KCNE5: variants seen among roughly 807,000 people sequenced by gnomAD.
KCNE5 encodes the protein potassium voltage-gated channel subfamily E regulatory subunit 5.
For missense variants in KCNE5, 131 were observed against 132.9 expected, an observed-to-expected ratio of 0.99 and a Z score of 0.07; for synonymous variants, 65 against 62.3, an observed-to-expected ratio of 1.04 and a Z score of -0.20.
In KCNE5 at chrX:109,623,989, TCC is replaced by T. The variant is rs1207536303; in HGVS notation, c.*601_*602del. 1.8e-5 allele frequency: 2 copies of T among 111,694 alleles called. No individual in the cohort carries two copies. Among genetic ancestry groups the T allele is most frequent in the Non-Finnish European group, 3.8e-5 (2 of 53,059 alleles). The allele number at this position is 111,694 out of a possible 1,213,427, so 9.2% of individuals were successfully genotyped here. On this transcript the variant is annotated 3_prime_UTR_variant, in exon 1 of 1. Transcript: ENST00000372101. ...CATTTCCCTCCCCGTTGAGCACTCC[TCC>T]CCCTTCCGTCCCCCATTAAGTTCAT...
At position 109,624,610 on chromosome X, in the gene KCNE5, C is replaced by T; in HGVS notation, c.411G>A (p.Gln137=). ...LASEGLPALA[Q]GAERV The stretch of plus-strand genomic sequence containing the variant: ...TGTGGTTTTAGACCCGCTCAGCGCC[C>T]TGGGCGAGGGCAGGCAGCCCCTCGG... Residue 137 remains glutamine (Q), a synonymous_variant, in exon 1 of 1, where the codon CAG becomes CAA. Transcript: ENST00000372101. The T allele has an allele frequency of 8.9e-7, 1 of 1,123,827 alleles. No individual in the cohort carries two copies. The allele number at this position is 1,123,827 out of a possible 1,213,427, so 92.6% of individuals were successfully genotyped here. A position where few individuals can be genotyped will look rare whatever the true frequency, so the allele number is the denominator to read the frequency against.
chrX:109,624,576 A>G lies in KCNE5; in HGVS notation c.*16T>C, dbSNP rs760918742. On this transcript the variant is annotated 3_prime_UTR_variant, in exon 1 of 1. Transcript: ENST00000372101. ...GAGATGAGGAGGGCGCGAACCAGCA[A>G]TCTGGGGCTGTGGTTTTAGACCCGC... 3 of 1,093,258 alleles carry G rather than the reference A, an allele frequency of 2.7e-6. No homozygotes were observed. The highest frequency in any genetic ancestry group is 4.7e-5 in the South Asian group (2 of 42,703). The allele number at this position is 1,093,258 out of a possible 1,213,427, so 90.1% of individuals were successfully genotyped here.
In KCNE5 at chrX:109,624,820, C is replaced by T; in HGVS notation, c.201G>A (p.Met67Ile). The change falls in exon 1 of 1, where the codon ATG becomes ATA. Residue 67 changes from methionine (M) to isoleucine (I), a missense_variant. By Grantham distance (10) the Met-to-Ile change is conservative. Coordinates refer to ENST00000372101, the MANE Select transcript of KCNE5 (RefSeq NM_012282.4). Reference protein sequence around the residue: ...DDAYLYILLIMIFYACLAGGL... With the variant: ...DDAYLYILLIIIFYACLAGGL... The stretch of plus-strand genomic sequence containing the variant: ...CTCCGGCCAAGCAGGCGTAGAAGAT[C>T]ATGATGAGCAGGATGTAGAGATAGG... 1 of 1,212,277 alleles carries T rather than the reference C, an allele frequency of 8.2e-7. No individual in the cohort carries two copies.
In KCNE5 at chrX:109,624,694, C is replaced by G; in HGVS notation, c.327G>C (p.Leu109=). ...CCGCGGCAGCCTCGGCGTCGGCGGT[C>G]AGGGCGCCTCCCGGGGCCCATTCGT... ...AEHEWAPGGA[L]TADAEAAAGS... Residue 109 remains leucine (L), a synonymous_variant, in exon 1 of 1, where the codon CTG becomes CTC. Transcript: ENST00000372101. The G allele has an allele frequency of 1.7e-6, 2 of 1,190,243 alleles. No homozygotes were observed. Among genetic ancestry groups the G allele is most frequent in the Non-Finnish European group, 2.3e-6 (2 of 885,129 alleles).
At position 109,624,744 on chromosome X, in the gene KCNE5, C is replaced by A. The variant is rs61729624; in HGVS notation, c.277G>T (p.Glu93Ter). The change falls in exon 1 of 1, where the codon GAG (glutamate) becomes TAG (stop). Residue 93 changes from glutamate (E) to a stop codon, truncating the protein, a stop_gained. Transcript: ENST00000372101. LOFTEE classifies it low-confidence loss of function (END_TRUNC). ...TGCTCGGCGCAAGCCTGGGACGGCT[C>A]GTCCTTGGCCTCGACGAGCTTACGG... is the stretch of plus-strand genomic sequence containing the variant. ...RSRKLVEAKD[E>*]PSQACAEHEW... The A allele has an allele frequency of 3.4e-5, 41 of 1,209,494 alleles. No individual in the cohort carries two copies. In the East Asian group the frequency reaches 1.0e-3, roughly 30 times the overall value.
rs16985810 is a variant in KCNE5 at position 109,624,243 on chromosome X, G to T, written c.*349C>A. 0.045 allele frequency: 8,619 copies of T among 192,809 alleles called. 740 individuals carry two copies. The highest frequency in any genetic ancestry group is 0.24 in the African/African-American group (7,927 of 33,201). 15.9% of individuals were successfully genotyped at this position (192,809 alleles called of 1,213,427 possible). ...AGACGGCCCAGAGTTCTGATAGAAT[G>T]CATTGCTTCAGTTCAGTGCCAAGTG... is the stretch of plus-strand genomic sequence containing the variant. On this transcript the variant is annotated 3_prime_UTR_variant, in exon 1 of 1. Coordinates refer to ENST00000372101, the MANE Select transcript of KCNE5 (RefSeq NM_012282.4).
At position 109,624,405 on chromosome X, in the gene KCNE5, T is replaced by C. The variant is rs1934256406; in HGVS notation, c.*187A>G. On this transcript the variant is annotated 3_prime_UTR_variant, in exon 1 of 1. Coordinates refer to ENST00000372101, the MANE Select transcript of KCNE5 (RefSeq NM_012282.4). ...GGCGCAGGGGTGAAGAGGGAGAAAC[T>C]GGCCCGAATGGGTAAGGTGGTGCTT... 10 of 397,275 alleles carry C rather than the reference T, an allele frequency of 2.5e-5. No homozygotes were observed. Among genetic ancestry groups the C allele is most frequent in the Non-Finnish European group, 4.2e-5 (10 of 239,185 alleles). The allele number at this position is 397,275 out of a possible 1,213,427, so 32.7% of individuals were successfully genotyped here.
rs1296965487 is a variant in KCNE5, at chrX:109,625,007, T to C, written c.14A>G (p.Glu5Gly). The C allele has an allele frequency of 8.4e-7, 1 of 1,196,974 alleles. No individual in the cohort carries two copies. Among genetic ancestry groups the C allele is most frequent in the Non-Finnish European group, 1.1e-6 (1 of 888,092 alleles). The change falls in exon 1 of 1, where the codon GAG becomes GGG. Residue 5 changes from glutamate to glycine, a missense_variant. Coordinates refer to ENST00000372101, the MANE Select transcript of KCNE5 (RefSeq NM_012282.4). MNCS[E>G]SQRLRTLLSR... ...CAGAAGGGTTCGCAGCCGCTGGCTC[T>C]CGCTGCAGTTCATGGCTTTCGGGGA...
rs967203588 is a variant in KCNE5, at chrX:109,623,840, A to C, written c.*752T>G. 8.9e-6 allele frequency: 1 copy of C among 111,894 alleles called. No homozygotes were observed. The highest frequency in any genetic ancestry group is 3.3e-5 in the African/African-American group (1 of 30,698). The allele number at this position is 111,894 out of a possible 1,213,427, so 9.2% of individuals were successfully genotyped here. A position where few individuals can be genotyped will look rare whatever the true frequency, so the allele number is the denominator to read the frequency against. On this transcript the variant is annotated 3_prime_UTR_variant, in exon 1 of 1. Transcript: ENST00000372101. ...CAATAGAGGAGAGGCATTTGGAAGT[A>C]CTGGGGTGATACACCCAGTAATGGT...
rs369319019 is a variant in KCNE5 at position 109,624,732 on chromosome X, C to T, written c.289G>A (p.Ala97Thr). ...GGGGCCCATTCGTGCTCGGCGCAAG[C>T]CTGGGACGGCTCGTCCTTGGCCTCG... ...LVEAKDEPSQ[A>T]CAEHEWAPGG... Residue 97 changes from alanine to threonine, a missense_variant, in exon 1 of 1, where the codon GCT becomes ACT. Ala to Thr is a moderately conservative substitution (Grantham distance 58, BLOSUM62 0). Coordinates refer to ENST00000372101, the MANE Select transcript of KCNE5 (RefSeq NM_012282.4). 4.1e-6 allele frequency: 5 copies of T among 1,208,323 alleles called. No homozygotes were observed. The highest frequency in any genetic ancestry group is 5.6e-6 in the Non-Finnish European group (5 of 894,037).
Position 109,624,572 on chromosome X carries a change from A to G in KCNE5, c.*20T>C, listed in dbSNP as rs1934258525. On this transcript the variant is annotated 3_prime_UTR_variant, in exon 1 of 1. Coordinates refer to ENST00000372101, the MANE Select transcript of KCNE5 (RefSeq NM_012282.4). ...GAGCGAGATGAGGAGGGCGCGAACC[A>G]GCAATCTGGGGCTGTGGTTTTAGAC... is the stretch of plus-strand genomic sequence containing the variant. 1 of 1,090,403 alleles carries G rather than the reference A, an allele frequency of 9.2e-7. No homozygotes were observed. Among genetic ancestry groups the G allele is most frequent in the East Asian group, 3.5e-5 (1 of 28,816 alleles). The allele number at this position is 1,090,403 out of a possible 1,213,427, so 89.9% of individuals were successfully genotyped here. A position where few individuals can be genotyped will look rare whatever the true frequency, so the allele number is the denominator to read the frequency against.
rs1045464885 is a variant in KCNE5, at chrX:109,624,197, C to T, written c.*395G>A. 12 of 139,808 alleles carry T rather than the reference C, an allele frequency of 8.6e-5. No individual in the cohort carries two copies. Among genetic ancestry groups the T allele is most frequent in the Non-Finnish European group, 1.5e-4 (11 of 72,239 alleles). The allele number at this position is 139,808 out of a possible 1,213,427, so 11.5% of individuals were successfully genotyped here. ...CTGCAGAGTGAGCAGTCCCTGGCAG[C>T]CCCTGGAGCAGCTGCCAGTTAGACG... On this transcript the variant is annotated 3_prime_UTR_variant, in exon 1 of 1. Coordinates refer to ENST00000372101, the MANE Select transcript of KCNE5 (RefSeq NM_012282.4).
Position 109,624,762 on chromosome X carries a change from GC to G in KCNE5, c.258del (p.Lys86AsnfsTer24), listed in dbSNP as rs1466106026. On this transcript the variant is annotated frameshift_variant, in exon 1 of 1. Transcript: ENST00000372101. LOFTEE classifies it low-confidence loss of function (END_TRUNC). ...GLILAYTRSRKLVEAKDEPSQ... is the reference protein window; with the variant it reads ...GLILAYTRSRXLVEAKDEPSQ... ...GACGGCTCGTCCTTGGCCTCGACGA[GC>G]TTACGGGAGCGGGTGTAGGCCAGGA... 3 of 1,211,914 alleles carry G rather than the reference GC, an allele frequency of 2.5e-6. No individual in the cohort carries two copies. The highest frequency in any genetic ancestry group is 3.4e-6 in the Non-Finnish European group (3 of 895,352).
rs781120515 is a variant in KCNE5, at chrX:109,624,857, T to G, written c.164A>C (p.Lys55Thr). ...PFVGREVTSAKGDDAYLYILL... is the reference protein window; with the variant it reads ...PFVGREVTSATGDDAYLYILL... ...GATGTAGAGATAGGCGTCGTCGCCC[T>G]TGGCGCTGGTCACCTCGCGGCCCAC... Residue 55 changes from lysine to threonine, a missense_variant, in exon 1 of 1, where the codon AAG becomes ACG. Lys to Thr is a moderately conservative substitution (Grantham distance 78). Coordinates refer to ENST00000372101, the MANE Select transcript of KCNE5 (RefSeq NM_012282.4). 8.2e-7 allele frequency: 1 copy of G among 1,212,245 alleles called. No homozygotes were observed. The highest frequency in any genetic ancestry group is 1.8e-5 in the South Asian group (1 of 57,068).
chrX:109,625,155 G>A lies in KCNE5; in HGVS notation c.-135C>T, dbSNP rs41312937. 871 of 740,745 alleles carry A rather than the reference G, an allele frequency of 1.2e-3. 11 individuals are homozygous for A. In the Admixed American group the frequency reaches 0.02, roughly 17 times the overall value. The allele number at this position is 740,745 out of a possible 1,213,427, so 61.0% of individuals were successfully genotyped here. A position where few individuals can be genotyped will look rare whatever the true frequency, so the allele number is the denominator to read the frequency against. On this transcript the variant is annotated 5_prime_UTR_variant, in exon 1 of 1. Coordinates refer to ENST00000372101, the MANE Select transcript of KCNE5 (RefSeq NM_012282.4). ...AAACAGCGGTAGCACCCAGCTCTCC[G>A]GCGAGCGCGCAGTGGCTGGGGGCGC...
rs1934270476 is a variant in KCNE5, at chrX:109,624,975, G to A, written c.46C>T (p.Leu16=). ...SQRLRTLLSR[L]LLELHHRGNA... is the part of the protein sequence containing the mutation. ...CCCCGGTGGTGCAGCTCGAGCAACA[G>A]GCGGCTCAGAAGGGTTCGCAGCCGC... The change falls in exon 1 of 1, where the codon CTG becomes TTG. Residue 16 remains leucine, a synonymous_variant. Coordinates refer to ENST00000372101, the MANE Select transcript of KCNE5 (RefSeq NM_012282.4). 3 of 1,207,816 alleles carry A rather than the reference G, an allele frequency of 2.5e-6. No individual in the cohort carries two copies. The highest frequency in any genetic ancestry group is 3.4e-6 in the Non-Finnish European group (3 of 893,817).
Position 109,624,238 on chromosome X carries a change from A to C in KCNE5, c.*354T>G. The C allele has an allele frequency of 5.5e-6, 1 of 180,705 alleles. No individual in the cohort carries two copies. 14.9% of individuals were successfully genotyped at this position (180,705 alleles called of 1,213,427 possible). A position where few individuals can be genotyped will look rare whatever the true frequency, so the allele number is the denominator to read the frequency against. ...CAGTTAGACGGCCCAGAGTTCTGAT[A>C]GAATGCATTGCTTCAGTTCAGTGCC... is the stretch of plus-strand genomic sequence containing the variant. On this transcript the variant is annotated 3_prime_UTR_variant, in exon 1 of 1. Transcript: ENST00000372101.
rs957991255 is a variant in KCNE5, at chrX:109,623,957, CAT to C, written c.*633_*634del. The C allele has an allele frequency of 1.8e-5, 2 of 111,882 alleles. No individual in the cohort carries two copies. Among genetic ancestry groups the C allele is most frequent in the Non-Finnish European group, 3.8e-5 (2 of 53,106 alleles). 9.2% of individuals were successfully genotyped at this position (111,882 alleles called of 1,213,427 possible). On this transcript the variant is annotated 3_prime_UTR_variant, in exon 1 of 1. Coordinates refer to ENST00000372101, the MANE Select transcript of KCNE5 (RefSeq NM_012282.4). ...GGCAAGAAAATCATACGGTTGGAGT[CAT>C]AGATCATTTCCCTCCCCGTTGAGCA... is the stretch of plus-strand genomic sequence containing the variant.
chrX:109,624,368 G>T lies in KCNE5; in HGVS notation c.*224C>A. 1 of 370,818 alleles carries T rather than the reference G, an allele frequency of 2.7e-6. No individual in the cohort carries two copies. The highest frequency in any genetic ancestry group is 4.5e-5 in the East Asian group (1 of 22,118). 30.6% of individuals were successfully genotyped at this position (370,818 alleles called of 1,213,427 possible). ...CAGTTTAGTGCAGTTGGATGTGCGG[G>T]GTAGGGGTGGAGGCGCAGGGGTGAA... On this transcript the variant is annotated 3_prime_UTR_variant, in exon 1 of 1. Coordinates refer to ENST00000372101, the MANE Select transcript of KCNE5 (RefSeq NM_012282.4).
Sources: allele counts gnomAD v4.1 joint callset, GRCh38; gene constraint gnomAD v4.1.1; transcripts MANE v1.5; gene names NCBI Gene and HGNC (gene_info 2026-07-23, HGNC 2026-07-21).